PHACTR2: variants seen among roughly 807,000 people sequenced by gnomAD.
PHACTR2 encodes the protein chromosome 6 open reading frame 56.
In PHACTR2, 30 loss-of-function variants were observed where a neutral mutation model predicts 76.0. The ratio of observed to expected loss-of-function variants is 0.39; its 90% CI spans 0.30 to 0.54. The LOEUF is 0.54. Among genes scored for constraint, PHACTR2 ranks in the 20% least tolerant of loss-of-function variants. The probability of loss-of-function intolerance (pLI) is 0.61; values close to 1 mark genes in which losing one functional copy is unlikely to be tolerated. For missense variants in PHACTR2, 696 were observed against 781.1 expected (o/e 0.89, Z 1.30); for synonymous variants, 292 against 292.5 (o/e 1.00, Z 0.02).
rs1582718908 is a variant in PHACTR2, at chr6:143,632,296, T to A, written c.13+23974T>A. On this transcript the variant is annotated intron_variant, in intron 1 of 11. Transcript: ENST00000305766. ...TATTTGGGGAAGAATAAGAATATTT[T>A]TAATATTCTATCTTGTATTTTACCT... Among the ~76,000 whole-genome samples, 5 of 152,346 alleles carry A rather than the reference T, an allele frequency of 3.3e-5. No individual in the cohort carries two copies. In the East Asian group the frequency reaches 9.6e-4, roughly 29 times the overall value.
In PHACTR2 at chr6:143,693,420, T is replaced by C. The variant is rs540750512; in HGVS notation, c.46+15211T>C. The stretch of plus-strand genomic sequence containing the variant: ...ACCTGGCTAATTTTTGTATTTTTAG[T>C]AGAGACGGGGTTTCGCCCTGTTGGC... On this transcript the variant is annotated intron_variant, in intron 1 of 12. Coordinates refer to ENST00000440869, the MANE Select transcript of PHACTR2 (RefSeq NM_001100164.2). 1.3e-4 allele frequency among the ~76,000 whole-genome samples: 20 copies of C among 152,250 alleles called. 1 individual carries two copies. In the East Asian group the frequency reaches 3.9e-3, roughly 29 times the overall value.
chr6:143,766,076 A>T (rs981108020), intron 6 of PHACTR2, among the ~76,000 whole-genome samples: 2 of 152,224 alleles, frequency 1.3e-5, no homozygotes, highest in Non-Finnish European at 2.9e-5. Context: ...AGCAGTCCAC[A>T]GTTCCCTTCT....
At chr6:143,628,025 TAA>T (rs1776290297) in intron 1 of PHACTR2, among the ~76,000 whole-genome samples, 1 of 152,224 alleles carries the variant, frequency 6.6e-6, no homozygotes, top group Non-Finnish European at 1.5e-5. Flanking sequence ...ATATTTCTTA[TAA>T]ATGGAATCAT....
Position 143,580,758 on chromosome 6 carries a change from C to A in PHACTR2, c.217+43551C>A, listed in dbSNP as rs1276343968. Among the ~76,000 whole-genome samples, 1 of 152,110 alleles carries A rather than the reference C, an allele frequency of 6.6e-6. No individual in the cohort carries two copies. Among genetic ancestry groups the A allele is most frequent in the African/African-American group, 2.4e-5 (1 of 41,422 alleles). ...TCCATAGTGTGGGTGGCTGAAGGAA[C>A]GTGAAGATAAATGTCTCTGAAGACA... On this transcript the variant is annotated intron_variant, in intron 1 of 11. Transcript: ENST00000367584. This position sits in a 1 kb window ranked among gnomAD's most constrained non-coding sequence, Gnocchi z 4.2.
rs948919520 is a variant in PHACTR2 at position 143,680,672 on chromosome 6, A to T, written c.46+2463A>T. Among the ~76,000 whole-genome samples the T allele has an allele frequency of 6.6e-6, 1 of 152,196 alleles. No individual in the cohort carries two copies. The highest frequency in any genetic ancestry group is 1.5e-5 in the Non-Finnish European group (1 of 68,016). On this transcript the variant is annotated intron_variant, in intron 1 of 12. Coordinates refer to ENST00000440869, the MANE Select transcript of PHACTR2 (RefSeq NM_001100164.2). This position sits in a 1 kb window ranked among gnomAD's most constrained non-coding sequence, Gnocchi z 4.5. Reference sequence around the variant, plus strand: ...AGCTGTATTGATGTATAATTCACATACTATAAAATTCACCCATGGAAAGTG... The same window carrying T: ...AGCTGTATTGATGTATAATTCACATTCTATAAAATTCACCCATGGAAAGTG...
chr6:143,556,853 T>C lies in PHACTR2; in HGVS notation c.217+19646T>C, dbSNP rs1270975738. Among the ~76,000 whole-genome samples, 1 of 152,218 alleles carries C rather than the reference T, an allele frequency of 6.6e-6. No individual in the cohort carries two copies. Among genetic ancestry groups the C allele is most frequent in the Admixed American group, 6.5e-5 (1 of 15,286 alleles). ...TTAAAGTGTGTCATTTAAGAGTAAGTATTCTTTTTTAAAAATATGGGCCAG... is the reference window on the plus strand; with the variant it reads ...TTAAAGTGTGTCATTTAAGAGTAAGCATTCTTTTTTAAAAATATGGGCCAG... On this transcript the variant is annotated intron_variant, in intron 1 of 11. Coordinates refer to the PHACTR2 transcript ENST00000367584. The surrounding 1 kb of genome is among the most constrained non-coding windows in gnomAD (Gnocchi z 4.3).
At chr6:143,637,680 C>A (rs968118894) in intron 1 of PHACTR2, among the ~76,000 whole-genome samples, 2 of 152,208 alleles carry the variant, frequency 1.3e-5, no homozygotes, top group African/African-American at 4.8e-5. Flanking sequence ...GGGACTGGTC[C>A]CATGTTAGCA....
chr6:143,577,621 G>A (rs1274310812), intron 1 of PHACTR2, among the ~76,000 whole-genome samples: 1 of 152,102 alleles, frequency 6.6e-6, no homozygotes, highest in Non-Finnish European at 1.5e-5. Context: ...TTGATATATC[G>A]GAACCCTATT....
In PHACTR2 at chr6:143,731,538, C is replaced by T. The variant is rs138056622; in HGVS notation, c.215-17447C>T. On this transcript the variant is annotated intron_variant, in intron 2 of 12. Coordinates refer to ENST00000440869, the MANE Select transcript of PHACTR2 (RefSeq NM_001100164.2). This position sits in a 1 kb window ranked among gnomAD's most constrained non-coding sequence, Gnocchi z 4.9. ...TGGACCTCAGGTGATCTGCCCGCCT[C>T]GGCCTCCCAAAGTGCTGGGATTACA... Among the ~76,000 whole-genome samples, 10 of 152,266 alleles carry T rather than the reference C, an allele frequency of 6.6e-5. No homozygotes were observed. Among genetic ancestry groups the T allele is most frequent in the Admixed American group, 3.3e-4 (5 of 15,304 alleles).
At position 143,595,793 on chromosome 6, in the gene PHACTR2, C is replaced by G. The variant is rs1775743852; in HGVS notation, c.217+58586C>G. ...TAAAGAATGTTACCAGAATGTTCTA[C>G]TTAATTTAGCTTTCCAAAGATAAAC... On this transcript the variant is annotated intron_variant, in intron 1 of 11. Transcript: ENST00000367584. This position sits in a 1 kb window ranked among gnomAD's most constrained non-coding sequence, Gnocchi z 4.2. 1.3e-5 allele frequency among the ~76,000 whole-genome samples: 2 copies of G among 152,308 alleles called. No homozygotes were observed. The highest frequency in any genetic ancestry group is 6.5e-5 in the Admixed American group (1 of 15,306).
At chr6:143,786,794 G>A (rs1775565800) in intron 10 of PHACTR2, among the ~76,000 whole-genome samples, 1 of 152,086 alleles carries the variant, frequency 6.6e-6, no homozygotes, top group Admixed American at 6.5e-5. Context: ...GAATAGCATG[G>A]GAAAGACCAG....
At chr6:143,759,881 G>A (rs1779395225) in intron 4 of PHACTR2, among the ~76,000 whole-genome samples, 2 of 152,216 alleles carry the variant, frequency 1.3e-5, no homozygotes, top group South Asian at 2.1e-4. Context: ...TGATCACAGC[G>A]AGGCTGAACA....
chr6:143,823,601 C>T lies in PHACTR2; in HGVS notation c.1923-73C>T, dbSNP rs552105162. ...TACCTTTTCATTGTAAACATGACCACGCCTTATTCAGCTCACTGCATGCAG... is the reference window on the plus strand; with the variant it reads ...TACCTTTTCATTGTAAACATGACCATGCCTTATTCAGCTCACTGCATGCAG... On this transcript the variant is annotated intron_variant, in intron 12 of 12. Coordinates refer to ENST00000440869, the MANE Select transcript of PHACTR2 (RefSeq NM_001100164.2). This position sits in a 1 kb window ranked among gnomAD's most constrained non-coding sequence, Gnocchi z 5.7. 4.1e-5 allele frequency: 47 copies of T among 1,144,250 alleles called. No homozygotes were observed. Among genetic ancestry groups the T allele is most frequent in the Non-Finnish European group, 6.1e-5 (46 of 757,288 alleles). The allele number at this position is 1,144,250 out of a possible 1,614,324, so 70.9% of individuals were successfully genotyped here.
rs1354877570 is a variant in PHACTR2, at chr6:143,819,955, G to T, written c.1923-3719G>T. ...AAGCATAGCAGCATCTGCTTCTGGG[G>T]AGGCCTCAGAAAGCCTCCAATCACG... is the stretch of plus-strand genomic sequence containing the variant. On this transcript the variant is annotated intron_variant, in intron 12 of 12. Transcript: ENST00000440869. The surrounding 1 kb of genome is among the most constrained non-coding windows in gnomAD (Gnocchi z 5.0). Among the ~76,000 whole-genome samples, 1 of 152,172 alleles carries T rather than the reference G, an allele frequency of 6.6e-6. No homozygotes were observed. Among genetic ancestry groups the T allele is most frequent in the African/African-American group, 2.4e-5 (1 of 41,438 alleles).
intron 6 of PHACTR2, among the ~76,000 whole-genome samples, chr6:143,771,158 G>GTATGTATATATA (rs1775100139): frequency 6.9e-5 from 1 of 14,566 alleles, no homozygotes; most frequent in African/African-American, 1.5e-4. Flanking sequence ...ATATATATAT[G>GTATGTATATATA]TATATATATA....
intron 10 of PHACTR2, among the ~76,000 whole-genome samples, chr6:143,786,742 G>A (rs964429128): frequency 1.3e-5 from 2 of 152,148 alleles, no homozygotes; most frequent in Admixed American, 6.5e-5. Context: ...AGAAACCCTT[G>A]ATAAACCCAT....
In PHACTR2 at chr6:143,765,552, G is replaced by T. The variant is rs1377532231; in HGVS notation, c.986G>T (p.Gly329Val). The change falls in exon 6 of 13, where the codon GGC (glycine) becomes GTC (valine). Residue 329 changes from glycine (G) to valine (V), a missense_variant. Coordinates refer to ENST00000440869, the MANE Select transcript of PHACTR2 (RefSeq NM_001100164.2). This position sits in a 1 kb window ranked among gnomAD's most constrained non-coding sequence, Gnocchi z 4.1. The part of the protein sequence containing the change: ...TVPGAEEQNT[G>V]KFKSMVPPPP... ...CCTGGAGCTGAGGAGCAGAACACAG[G>T]CAAATTCAAGTCCATGGTCCCTCCA... The T allele has an allele frequency of 1.2e-6, 2 of 1,614,176 alleles. No homozygotes were observed. Among genetic ancestry groups the T allele is most frequent in the Admixed American group, 1.7e-5 (1 of 60,020 alleles).
rs1276160137 is a variant in PHACTR2 at position 143,780,332 on chromosome 6, C to T, written c.1646-2887C>T. Among the ~76,000 whole-genome samples the T allele has an allele frequency of 6.6e-6, 1 of 151,922 alleles. No individual in the cohort carries two copies. The highest frequency in any genetic ancestry group is 1.5e-5 in the Non-Finnish European group (1 of 68,008). ...ATTTGCTAAAAACACCCATATGAGG[C>T]CAGGTAAGGTGGCTTATGCCTGTAA... On this transcript the variant is annotated intron_variant, in intron 9 of 12. Coordinates refer to ENST00000440869, the MANE Select transcript of PHACTR2 (RefSeq NM_001100164.2). This position sits in a 1 kb window ranked among gnomAD's most constrained non-coding sequence, Gnocchi z 4.4.
At chr6:143,675,065 C>T (rs149632511), upstream of PHACTR2, among the ~76,000 whole-genome samples, 257 of 152,304 alleles carry the variant, frequency 1.7e-3, no homozygotes, top group African/African-American at 5.8e-3. This position sits in a 1 kb window ranked among gnomAD's most constrained non-coding sequence, Gnocchi z 4.9. Context: ...TCAGACAAGC[C>T]AGTGAAGTCT....
Sources: allele counts gnomAD v4.1 joint callset (sites outside exome capture counted in the v4.1 genomes callset), GRCh38; gene constraint gnomAD v4.1.1; non-coding constraint Gnocchi (gnomAD v3.1); transcripts MANE v1.5; gene names NCBI Gene and HGNC (gene_info 2026-07-23, HGNC 2026-07-21).